Variants in ZSCAN5A observed in about 807,000 individuals in gnomAD.
ZSCAN5A encodes zinc finger and SCAN domain containing 5A.
ZSCAN5A carries 12 observed loss-of-function variants against 23.7 expected under a neutral mutation model. That is an observed-to-expected ratio of 0.51 (90% CI 0.32 to 0.82). The LOEUF (loss-of-function observed/expected upper bound fraction) is 0.82, where lower values mean the gene tolerates loss of function less well. Ranked by LOEUF, ZSCAN5A falls within the 40% of genes least tolerant of loss-of-function variation. ZSCAN5A has a pLI of 0.03. For missense variants in ZSCAN5A, 597 were observed against 617.9 expected (o/e 0.97, Z 0.36); for synonymous variants, 257 against 239.9 (o/e 1.07, Z -0.66).
rs1023546851 is a variant in ZSCAN5A at position 56,345,577 on chromosome 19, G to T, written c.-358+17658C>A. Among the ~76,000 whole-genome samples, 7 of 152,202 alleles carry T rather than the reference G, an allele frequency of 4.6e-5. No individual in the cohort carries two copies. In the South Asian group the frequency reaches 1.2e-3, roughly 27 times the overall value. On this transcript the variant is annotated intron_variant, in intron 2 of 6. Transcript: ENST00000587340. ...AAAGAAAGAGTCTGGTGTGCTAGAAGGAGATTAAAGAGGGATGCCAAATCA... is the reference window on the plus strand; with the variant it reads ...AAAGAAAGAGTCTGGTGTGCTAGAATGAGATTAAAGAGGGATGCCAAATCA...
chr19:56,297,199 G>A (rs2039931845), intron 2 of ZSCAN5A, among the ~76,000 whole-genome samples: 2 of 152,116 alleles, frequency 1.3e-5, no homozygotes, highest in African/African-American at 4.8e-5. Context: ...TATATGCAAA[G>A]GCCCTGAGGC....
chr19:56,323,021 A>C (rs2041394020), intron 2 of ZSCAN5A, among the ~76,000 whole-genome samples: 1 of 151,000 alleles, frequency 6.6e-6, no homozygotes, highest in African/African-American at 2.4e-5. Flanking sequence ...CAGCCTCCCA[A>C]GTAGCTGGGA....
At chr19:56,297,239 G>A (rs1323518972) in intron 2 of ZSCAN5A, among the ~76,000 whole-genome samples, 3 of 151,960 alleles carry the variant, frequency 2.0e-5, no homozygotes, top group African/African-American at 7.3e-5. Flanking sequence ...AGGGACACAG[G>A]GAGACTAACT....
intron 2 of ZSCAN5A, among the ~76,000 whole-genome samples, chr19:56,279,955 G>A (rs891575663): frequency 4.6e-5 from 7 of 151,980 alleles, no homozygotes; most frequent in African/African-American, 7.2e-5. Context: ...AAAACATCAT[G>A]TTATTTTCAT....
intron 2 of ZSCAN5A, among the ~76,000 whole-genome samples, chr19:56,227,652 C>T (rs1175849457): frequency 6.6e-6 from 1 of 152,184 alleles, no homozygotes; most frequent in Admixed American, 6.5e-5. Context: ...ACACGGGTCA[C>T]CCAGGTAGGG....
chr19:56,336,316 C>T (rs1053245674), intron 2 of ZSCAN5A, among the ~76,000 whole-genome samples: 7 of 152,208 alleles, frequency 4.6e-5, no homozygotes, highest in Admixed American at 2.0e-4. Context: ...CTTCTCTTCT[C>T]GCTTCATTTC....
At chr19:56,289,272 AG>A (rs888533479) in intron 2 of ZSCAN5A, among the ~76,000 whole-genome samples, 1 of 152,182 alleles carries the variant, frequency 6.6e-6, no homozygotes, top group African/African-American at 2.4e-5. Context: ...ACTAAGTGTA[AG>A]CTATGTCTTT....
At chr19:56,313,769 T>C (rs1048087872) in intron 1 of ZSCAN5A, among the ~76,000 whole-genome samples, 5 of 152,230 alleles carry the variant, frequency 3.3e-5, no homozygotes, top group Non-Finnish European at 7.3e-5. Context: ...ATCCCTTCCC[T>C]TTGATGATGG....
intron 2 of ZSCAN5A, among the ~76,000 whole-genome samples, chr19:56,284,517 T>TTTA (rs2038960530): frequency 1.0e-5 from 1 of 99,570 alleles, no homozygotes; most frequent in Admixed American, 1.0e-4. Context: ...GCTGTAATTT[T>TTTA]TTTTTTTTTT....
At chr19:56,266,418 T>C (rs1214305958) in intron 2 of ZSCAN5A, 1 of 151,212 alleles carries the variant, frequency 6.6e-6, no homozygotes, top group African/African-American at 2.4e-5. Context: ...TCAATTACTG[T>C]CCAAGACTTT....
intron 2 of ZSCAN5A, among the ~76,000 whole-genome samples, chr19:56,250,612 C>G (rs1444799821): frequency 6.6e-6 from 1 of 152,148 alleles, no homozygotes; most frequent in Non-Finnish European, 1.5e-5. Context: ...TCTTACTGCT[C>G]AAGTCAGCAT....
At chr19:56,229,756 GT>G (rs908506670) in intron 2 of ZSCAN5A, among the ~76,000 whole-genome samples, 2 of 151,260 alleles carry the variant, frequency 1.3e-5, no homozygotes, top group South Asian at 2.1e-4. Flanking sequence ...GGTCTTTTTT[GT>G]TTTTTTTCAT....
chr19:56,314,869 C>T (rs995972153), upstream of ZSCAN5A: 3 of 152,220 alleles, frequency 2.0e-5, no homozygotes, highest in Admixed American at 2.0e-4. Flanking sequence ...CGACCACTTC[C>T]GGATCCGGGG....
At chr19:56,325,955 T>C (rs953276990) in intron 2 of ZSCAN5A, among the ~76,000 whole-genome samples, 43 of 151,692 alleles carry the variant, frequency 2.8e-4, no homozygotes, top group African/African-American at 9.9e-4. Flanking sequence ...TTTTTTGAGA[T>C]GGAGTCTTGC....
At chr19:56,278,289 A>G (rs577001209) in intron 2 of ZSCAN5A, among the ~76,000 whole-genome samples, 10 of 152,304 alleles carry the variant, frequency 6.6e-5, no homozygotes, top group Middle Eastern at 3.4e-3. Context: ...GCATGCCACC[A>G]TGCCTGGCTA....
At chr19:56,225,823 G>A (rs1369624413) in intron 2 of ZSCAN5A, among the ~76,000 whole-genome samples, 1 of 151,970 alleles carries the variant, frequency 6.6e-6, no homozygotes, top group African/African-American at 2.4e-5. Context: ...CAACCCAAAA[G>A]CAACCCCATC....
chr19:56,277,493 T>C (rs759845379), intron 2 of ZSCAN5A, among the ~76,000 whole-genome samples: 5 of 149,420 alleles, frequency 3.3e-5, no homozygotes, highest in Admixed American at 6.8e-5. Context: ...GATAGGCAAA[T>C]CCATAGAGAC....
chr19:56,275,159 AT>A (rs1366838519), intron 2 of ZSCAN5A, among the ~76,000 whole-genome samples: 1 of 151,978 alleles, frequency 6.6e-6, no homozygotes, highest in African/African-American at 2.4e-5. Flanking sequence ...TTAAGTTACT[AT>A]TTTCCCCCTT....
chr19:56,245,320 G>A (rs750085782), intron 2 of ZSCAN5A: 4 of 747,026 alleles, frequency 5.4e-6, no homozygotes, highest in Non-Finnish European at 9.9e-6. Flanking sequence ...CGAGAGGCGT[G>A]TCCAGCCAGC....
Sources: allele counts gnomAD v4.1 joint callset (sites outside exome capture counted in the v4.1 genomes callset), GRCh38; gene constraint gnomAD v4.1.1; transcripts MANE v1.5; gene names NCBI Gene and HGNC (gene_info 2026-07-23, HGNC 2026-07-21).